Variants in PTK2B observed in about 807,000 individuals in gnomAD.
The protein encoded by PTK2B is protein-tyrosine kinase 2-beta.
PTK2B carries 71 observed loss-of-function variants against 142.9 expected under a neutral mutation model. The observed-to-expected ratio is 0.50, with a 90% CI of 0.41 to 0.61. The LOEUF is 0.61. Among genes scored for constraint, PTK2B ranks in the 20% least tolerant of loss-of-function variants. The pLI, the probability that PTK2B is intolerant of heterozygous loss-of-function variation, is 0.00. For synonymous variants in PTK2B, 519 were observed against 503.4 expected (o/e 1.03, Z -0.42); for missense variants, 1,105 against 1,320.4 (o/e 0.84, Z 2.53).
upstream of PTK2B, chr8:27,310,834 C>CAAA: frequency 6.2e-7 from 1 of 1,607,132 alleles, no homozygotes; most frequent in Non-Finnish European, 8.5e-7. Context: ...TCACCGGCTG[C>CAAA]ACGCGGTGCC....
At chr8:27,425,080 C>T (rs1170284113) in intron 5 of PTK2B, among the ~76,000 whole-genome samples, 2 of 121,048 alleles carry the variant, frequency 1.7e-5, no homozygotes, top group Non-Finnish European at 3.6e-5. Flanking sequence ...TACTATAAAA[C>T]ACGTTATGTT....
At chr8:27,329,292 C>G (rs569796223) in intron 1 of PTK2B, among the ~76,000 whole-genome samples, 1 of 152,256 alleles carries the variant, frequency 6.6e-6, no homozygotes, top group South Asian at 2.1e-4. Flanking sequence ...CCACCTGTAT[C>G]AGCCTGAGTC....
intron 1 of PTK2B, among the ~76,000 whole-genome samples, chr8:27,347,345 G>A (rs1271346438): frequency 2.6e-5 from 4 of 152,196 alleles, no homozygotes; most frequent in Admixed American, 1.3e-4. Context: ...CACCCACCTC[G>A]GCCTCCCAAA....
chr8:27,391,523 C>A (rs1807727155), intron 1 of PTK2B, among the ~76,000 whole-genome samples: 1 of 152,194 alleles, frequency 6.6e-6, no homozygotes. Context: ...CATTACCCTA[C>A]AATGTCTTCA....
intron 10 of PTK2B, among the ~76,000 whole-genome samples, chr8:27,433,167 C>A (rs987674241): frequency 1.6e-4 from 25 of 152,228 alleles, no homozygotes; most frequent in African/African-American, 5.1e-4. Context: ...ATTTATTGAG[C>A]ACCTACTAGG....
rs140538134 is a variant in PTK2B at position 27,419,988 on chromosome 8, G to A, written c.298G>A (p.Asp100Asn). The change falls in exon 3 of 31, where the codon GAT becomes AAT. Residue 100 changes from aspartate to asparagine, a missense_variant. Transcript: ENST00000346049. ...GCTGAGGCTGAAGCACATGAAGTCC[G>A]ATGAGATCCACTGGCTGCACCCACA... Reference protein sequence around the residue: ...YGLRLKHMKSDEIHWLHPQMT... With the variant: ...YGLRLKHMKSNEIHWLHPQMT... 1,514 of 1,614,202 alleles carry A rather than the reference G, an allele frequency of 9.4e-4. 1 individual carries two copies. The highest frequency in any genetic ancestry group is 1.2e-3 in the Non-Finnish European group (1,358 of 1,180,040).
intron 20 of PTK2B, 71 bp downstream of exon 20, chr8:27,439,469 G>A: frequency 2.0e-6 from 3 of 1,494,568 alleles, no homozygotes; most frequent in Non-Finnish European, 2.8e-6. Flanking sequence ...AAGGGGGTGG[G>A]TGCAGGGAGC....
intron 1 of PTK2B, among the ~76,000 whole-genome samples, chr8:27,365,840 C>G (rs546009914): frequency 6.6e-6 from 1 of 152,210 alleles, no homozygotes; most frequent in South Asian, 2.1e-4. Context: ...CCAGACATTG[C>G]TGGTAATTTG....
chr8:27,412,367 G>C (rs11775958), intron 2 of PTK2B, among the ~76,000 whole-genome samples: 65 of 152,118 alleles, frequency 4.3e-4, no homozygotes, highest in Admixed American at 1.7e-3. Flanking sequence ...ATAGATTCAG[G>C]TGTAGTCTGA....
At chr8:27,452,891 T>C in intron 27 of PTK2B, 1 of 584,650 alleles carries the variant, frequency 1.7e-6, no homozygotes, top group Non-Finnish European at 3.0e-6. Context: ...GCTGGGACTT[T>C]GCCTTTTTCT....
chr8:27,441,385 T>C (rs1235440031), intron 21 of PTK2B, among the ~76,000 whole-genome samples: 1 of 152,238 alleles, frequency 6.6e-6, no homozygotes, highest in African/African-American at 2.4e-5. Flanking sequence ...TCTGGGCGCT[T>C]ATTTGCTGAA....
rs143947428 is a variant in PTK2B, at chr8:27,386,671, C to T, written c.-37-10877C>T. ...CTAAATACATCTACAGATTGGGGCT[C>T]GGTCATGTTGAATGGTTTTGAGGTC... On this transcript the variant is annotated intron_variant, in intron 1 of 30. Transcript: ENST00000346049. 3.7e-3 allele frequency among the ~76,000 whole-genome samples: 570 copies of T among 152,122 alleles called. 2 individuals carry two copies. The highest frequency in any genetic ancestry group is 0.013 in the African/African-American group (521 of 41,486).
intron 1 of PTK2B, among the ~76,000 whole-genome samples, chr8:27,354,195 G>A (rs1365311331): frequency 6.6e-6 from 1 of 152,160 alleles, no homozygotes; most frequent in African/African-American, 2.4e-5. Context: ...CCAGAGAAAA[G>A]CCCTTTTCCC....
At chr8:27,441,725 T>C (rs905915912) in intron 21 of PTK2B, among the ~76,000 whole-genome samples, 24 of 152,192 alleles carry the variant, frequency 1.6e-4, no homozygotes, top group Admixed American at 9.8e-4. Flanking sequence ...TGGTCCCTTG[T>C]ATGGGAGGTT....
upstream of PTK2B, chr8:27,310,762 G>A (rs1802917169): frequency 6.5e-7 from 1 of 1,537,506 alleles, no homozygotes. Flanking sequence ...CCGGGTTCCA[G>A]ACCCGGCTCG....
At chr8:27,377,752 C>T (rs1031699982) in intron 1 of PTK2B, among the ~76,000 whole-genome samples, 1 of 152,190 alleles carries the variant, frequency 6.6e-6, no homozygotes, top group African/African-American at 2.4e-5. Context: ...ATGGAGACTC[C>T]ATTTCTAAAC....
intron 30 of PTK2B, among the ~76,000 whole-genome samples, chr8:27,457,852 GT>G (rs1171977893): frequency 6.6e-6 from 1 of 152,012 alleles, no homozygotes; most frequent in Non-Finnish European, 1.5e-5. Context: ...GCAGGTGCCT[GT>G]AATCCCAGCT....
intron 2 of PTK2B, among the ~76,000 whole-genome samples, chr8:27,415,251 GGGT>G (rs1032778785): frequency 6.6e-6 from 1 of 152,164 alleles, no homozygotes; most frequent in African/African-American, 2.4e-5. Context: ...ATATCCAGCT[GGGT>G]GGTGGTGGTG....
At chr8:27,450,555 G>A (rs1008316274) in intron 24 of PTK2B, among the ~76,000 whole-genome samples, 194 bp from the exon 25 acceptor site, 8 of 152,292 alleles carry the variant, frequency 5.3e-5, no homozygotes, top group Middle Eastern at 3.4e-3. Context: ...TTGCAACGCA[G>A]ATACATGCTC....
Sources: allele counts gnomAD v4.1 joint callset (sites outside exome capture counted in the v4.1 genomes callset), GRCh38; gene constraint gnomAD v4.1.1; transcripts MANE v1.5; gene names NCBI Gene and HGNC (gene_info 2026-07-23, HGNC 2026-07-21).